The following CSMD1 variants were observed in gnomAD, a reference collection of about 807,000 sequenced individuals.
CSMD1 encodes CUB and sushi domain-containing protein 1.
CSMD1 carries 213 observed loss-of-function variants against 417.5 expected under a neutral mutation model. The observed-to-expected ratio is 0.51, with a 90% CI of 0.46 to 0.57. The LOEUF (loss-of-function observed/expected upper bound fraction) is 0.57. Ranked by LOEUF, CSMD1 falls within the 20% of genes least tolerant of loss-of-function variation. The pLI, the probability that CSMD1 is intolerant of heterozygous loss-of-function variation, is 0.00. For synonymous variants in CSMD1, 2,862 were observed against 1,736.8 expected (o/e 1.65, Z -16.11); for missense variants, 6,923 against 4,529.7 (o/e 1.53, Z -15.17).
At chr8:4,018,419 C>A (rs577825407) in intron 4 of CSMD1, among the ~76,000 whole-genome samples, 1 of 152,262 alleles carries the variant, frequency 6.6e-6, no homozygotes, top group East Asian at 1.9e-4. Flanking sequence ...TGTTCTCTCC[C>A]AGTTTGCAAT....
intron 2 of CSMD1, among the ~76,000 whole-genome samples, chr8:4,455,652 C>G (rs1450701656): frequency 6.6e-6 from 1 of 151,796 alleles, no homozygotes; most frequent in East Asian, 1.9e-4. Flanking sequence ...CAATTGAGGC[C>G]AGATACAGTG....
At chr8:4,251,981 A>G (rs1383405592) in intron 3 of CSMD1, among the ~76,000 whole-genome samples, 1 of 151,940 alleles carries the variant, frequency 6.6e-6, no homozygotes, top group Non-Finnish European at 1.5e-5. Flanking sequence ...TAAGGAGAAA[A>G]CAGAGCTAAT....
intron 2 of CSMD1, among the ~76,000 whole-genome samples, chr8:4,462,306 A>G (rs1242541853): frequency 6.6e-6 from 1 of 152,224 alleles, no homozygotes; most frequent in Non-Finnish European, 1.5e-5. Flanking sequence ...TAAGTACAAA[A>G]TATATATTCC....
intron 3 of CSMD1, among the ~76,000 whole-genome samples, chr8:4,191,488 A>T (rs1026477474): frequency 6.6e-6 from 1 of 152,176 alleles, no homozygotes; most frequent in African/African-American, 2.4e-5. Context: ...CATTGTTCTT[A>T]CTTGTCTGCA....
At chr8:3,612,799 G>T (rs556033760) in intron 8 of CSMD1, among the ~76,000 whole-genome samples, 5 of 152,000 alleles carry the variant, frequency 3.3e-5, no homozygotes, top group African/African-American at 1.2e-4. Flanking sequence ...AAAATTGATA[G>T]CAGTAAATAC....
At chr8:4,037,138 G>A (rs971315901) in intron 3 of CSMD1, among the ~76,000 whole-genome samples, 1 of 152,214 alleles carries the variant, frequency 6.6e-6, no homozygotes. Flanking sequence ...TCTTTCTTAA[G>A]TGAATGTAGA....
intron 1 of CSMD1, among the ~76,000 whole-genome samples, chr8:4,722,990 C>G (rs1296882187): frequency 6.6e-6 from 1 of 152,062 alleles, no homozygotes; most frequent in Admixed American, 6.6e-5. Context: ...TTTTTCTTTA[C>G]TTGTGGCATT....
At chr8:4,059,101 C>A (rs1275684131) in intron 3 of CSMD1, among the ~76,000 whole-genome samples, 1 of 152,160 alleles carries the variant, frequency 6.6e-6, no homozygotes, top group African/African-American at 2.4e-5. Flanking sequence ...TCTCTCAGAC[C>A]ACAGTGCAAT....
intron 10 of CSMD1, among the ~76,000 whole-genome samples, chr8:3,507,629 A>G (rs1303942299): frequency 1.3e-5 from 2 of 152,192 alleles, no homozygotes; most frequent in Admixed American, 6.5e-5. Context: ...CAACAGTGTA[A>G]AAGTGTTCCT....
intron 8 of CSMD1, among the ~76,000 whole-genome samples, chr8:3,608,842 A>ACAACAT (rs1463925310): frequency 1.3e-5 from 2 of 152,008 alleles, no homozygotes; most frequent in Non-Finnish European, 2.9e-5. Flanking sequence ...GGTGCCAATT[A>ACAACAT]CAACATGACA....
At chr8:4,447,942 A>AT (rs200197776) in intron 2 of CSMD1, among the ~76,000 whole-genome samples, 1,811 of 152,264 alleles carry the variant, frequency 0.012, 44 homozygotes, top group African/African-American at 0.042. Context: ...CACTCACCAT[A>AT]TTTTTTAAAA....
rs192626210 is a variant in CSMD1 at position 4,266,391 on chromosome 8, T to C, written c.415+153562A>G. Among the ~76,000 whole-genome samples the C allele has an allele frequency of 3.8e-5, 4 of 105,456 alleles. 1 individual carries two copies. The highest frequency in any genetic ancestry group is 1.0e-4 in the African/African-American group (4 of 38,552). The allele number at this position is 105,456 out of a possible 152,430, so 69.2% of individuals were successfully genotyped here. On this transcript the variant is annotated intron_variant, in intron 3 of 69. Transcript: ENST00000635120. ...TCAAGAATATATTTGAAAATATTAATATAGTTCATTTTATGTGTAATAATG... is the reference window on the plus strand; with the variant it reads ...TCAAGAATATATTTGAAAATATTAACATAGTTCATTTTATGTGTAATAATG...
At position 4,597,186 on chromosome 8, in the gene CSMD1, G is replaced by A. The variant is rs192983192; in HGVS notation, c.302+40156C>T. ...GTCAAAACTTTGAAATAATAAACTT[G>A]TGATGCTGATTGAATGAAATAATAA... On this transcript the variant is annotated intron_variant, in intron 2 of 69. Coordinates refer to ENST00000635120, the MANE Select transcript of CSMD1 (RefSeq NM_033225.6). Among the ~76,000 whole-genome samples the A allele has an allele frequency of 1.2e-4, 19 of 152,138 alleles. 1 individual carries two copies. The highest frequency in any genetic ancestry group is 4.3e-4 in the African/African-American group (18 of 41,498).
intron 1 of CSMD1, among the ~76,000 whole-genome samples, chr8:4,651,343 G>C (rs1803882093): frequency 6.6e-6 from 1 of 152,052 alleles, no homozygotes; most frequent in South Asian, 2.1e-4. Context: ...ACCTTTAATA[G>C]CGTTGAATAT....
At chr8:4,712,299 A>G (rs1024245435) in intron 1 of CSMD1, among the ~76,000 whole-genome samples, 2 of 152,188 alleles carry the variant, frequency 1.3e-5, no homozygotes, top group Non-Finnish European at 2.9e-5. Context: ...AGTGTGGGAG[A>G]TGTAATTTAA....
chr8:3,836,835 T>C (rs1802742395), intron 5 of CSMD1, among the ~76,000 whole-genome samples: 1 of 152,184 alleles, frequency 6.6e-6, no homozygotes, highest in Non-Finnish European at 1.5e-5. Flanking sequence ...CTCAATTAAA[T>C]ATGTTAATAT....
At chr8:2,952,995 T>C (rs1802742190) in intron 65 of CSMD1, among the ~76,000 whole-genome samples, 1 of 152,184 alleles carries the variant, frequency 6.6e-6, no homozygotes, top group African/African-American at 2.4e-5. Flanking sequence ...CACATTCAAT[T>C]AGCACTTGCT....
At chr8:3,840,186 T>C (rs1803031888) in intron 5 of CSMD1, among the ~76,000 whole-genome samples, 1 of 152,134 alleles carries the variant, frequency 6.6e-6, no homozygotes, top group African/African-American at 2.4e-5. Context: ...CAAAGGGCCT[T>C]CATAAAGTAA....
chr8:3,362,801 T>C (rs1299383000), intron 20 of CSMD1, among the ~76,000 whole-genome samples: 1 of 152,180 alleles, frequency 6.6e-6, no homozygotes, highest in Non-Finnish European at 1.5e-5. Context: ...ACACCTTCAC[T>C]TCCTGCCAAT....
Sources: allele counts gnomAD v4.1 joint callset (sites outside exome capture counted in the v4.1 genomes callset), GRCh38; gene constraint gnomAD v4.1.1; transcripts MANE v1.5; gene names NCBI Gene and HGNC (gene_info 2026-07-23, HGNC 2026-07-21).